Variants in CSMD1 observed in about 807,000 individuals in gnomAD.
The protein encoded by CSMD1 is CUB and Sushi multiple domains 1.
In CSMD1, 213 loss-of-function variants were observed where a neutral mutation model predicts 417.5. That is an observed-to-expected ratio of 0.51 (90% confidence interval 0.46 to 0.57). The LOEUF (loss-of-function observed/expected upper bound fraction) is 0.57. CSMD1 is among the 20% of genes least tolerant of loss of function. CSMD1 has a pLI of 0.00. For synonymous variants in CSMD1, 2,862 were observed against 1,736.8 expected (o/e 1.65, Z -16.11); for missense variants, 6,923 against 4,529.7 (o/e 1.53, Z -15.17).
At chr8:4,367,029 T>G (rs569426056) in intron 3 of CSMD1, among the ~76,000 whole-genome samples, 2 of 152,330 alleles carry the variant, frequency 1.3e-5, no homozygotes, top group South Asian at 4.1e-4. Flanking sequence ...TCTTTTGCTG[T>G]GCAGAAGCTT....
At position 3,800,158 on chromosome 8, in the gene CSMD1, A is replaced by G. The variant is rs73500776; in HGVS notation, c.819-46116T>C. Among the ~76,000 whole-genome samples the G allele has an allele frequency of 8.3e-3, 1,270 of 152,268 alleles. 18 individuals carry two copies. Among genetic ancestry groups the G allele is most frequent in the African/African-American group, 0.028 (1,174 of 41,560 alleles). On this transcript the variant is annotated intron_variant, in intron 5 of 69. Transcript: ENST00000635120. ...GTATGAGTTGTTTCCATGTGGAAAA[A>G]GAACAAAAATCAGTGGCTAGACATG...
At chr8:4,760,739 G>T (rs911438822) in intron 1 of CSMD1, among the ~76,000 whole-genome samples, 1 of 152,136 alleles carries the variant, frequency 6.6e-6, no homozygotes, top group Non-Finnish European at 1.5e-5. Flanking sequence ...GATTAAGTTT[G>T]GGGAAAGTAT....
chr8:3,714,672 G>C (rs1801727430), intron 6 of CSMD1, among the ~76,000 whole-genome samples: 1 of 151,538 alleles, frequency 6.6e-6, no homozygotes, highest in Non-Finnish European at 1.5e-5. Flanking sequence ...CGGAGGCAGA[G>C]TTTGCAGTGA....
At chr8:3,324,592 GT>G (rs1806397596) in intron 23 of CSMD1, among the ~76,000 whole-genome samples, 1 of 144,358 alleles carries the variant, frequency 6.9e-6, no homozygotes, top group Non-Finnish European at 1.5e-5. Flanking sequence ...GGACCCAGGA[GT>G]GGGAGTTTCC....
At position 2,936,942 on chromosome 8, in the gene CSMD1, C is replaced by T. The variant is rs148389144; in HGVS notation, c.*1643G>A. On this transcript the variant is annotated 3_prime_UTR_variant, in exon 70 of 70. Transcript: ENST00000635120. ...AACATTCTGACATTTCTATTACCAA[C>T]GCCAATCTAAAATGTGAAACAGAGA... The T allele has an allele frequency of 6.6e-6, 1 of 152,128 alleles. No homozygotes were observed. Among genetic ancestry groups the T allele is most frequent in the Non-Finnish European group, 1.5e-5 (1 of 68,038 alleles). The allele number at this position is 152,128 out of a possible 1,614,324, so 9.4% of individuals were successfully genotyped here.
At chr8:3,515,678 C>G (rs1344439648) in intron 10 of CSMD1, among the ~76,000 whole-genome samples, 1 of 152,172 alleles carries the variant, frequency 6.6e-6, no homozygotes, top group African/African-American at 2.4e-5. Flanking sequence ...TGGAACAAGT[C>G]AATCATCACA....
At chr8:3,471,751 G>C (rs1261236246) in intron 11 of CSMD1, among the ~76,000 whole-genome samples, 1 of 145,284 alleles carries the variant, frequency 6.9e-6, no homozygotes, top group Non-Finnish European at 1.5e-5. Flanking sequence ...CCTAAGATAA[G>C]TGAATATATA....
At chr8:2,972,105 T>C (rs1726906780) in intron 57 of CSMD1, among the ~76,000 whole-genome samples, 1 of 152,088 alleles carries the variant, frequency 6.6e-6, no homozygotes. Context: ...TTTAGCGTTA[T>C]TTTATATGTG....
rs1290688309 is a variant in CSMD1 at position 3,826,937 on chromosome 8, C to T, written c.819-72895G>A. 2.0e-5 allele frequency among the ~76,000 whole-genome samples: 3 copies of T among 152,006 alleles called. No homozygotes were observed. The East Asian group carries it at 5.8e-4, about 29-fold the overall frequency. Reference sequence around the variant, plus strand: ...GAGTAGCTGAAACTACAGGCATGTGCCTAGCTATTTTTTTAAATATAATTT... The same window carrying T: ...GAGTAGCTGAAACTACAGGCATGTGTCTAGCTATTTTTTTAAATATAATTT... On this transcript the variant is annotated intron_variant, in intron 5 of 69. Coordinates refer to ENST00000635120, the MANE Select transcript of CSMD1 (RefSeq NM_033225.6).
At chr8:3,680,111 T>A (rs1451367865) in intron 7 of CSMD1, among the ~76,000 whole-genome samples, 1 of 151,636 alleles carries the variant, frequency 6.6e-6, no homozygotes, top group Non-Finnish European at 1.5e-5. Flanking sequence ...CACCATAACA[T>A]CACAATTGAA....
chr8:3,470,002 C>G (rs561857369), intron 11 of CSMD1, among the ~76,000 whole-genome samples: 2 of 152,200 alleles, frequency 1.3e-5, no homozygotes, highest in South Asian at 4.1e-4. Context: ...TGAAGTGTAA[C>G]AAGCCAAAAA....
At chr8:3,721,903 A>G (rs1410379606) in intron 6 of CSMD1, among the ~76,000 whole-genome samples, 2 of 152,174 alleles carry the variant, frequency 1.3e-5, no homozygotes, top group East Asian at 3.9e-4. Flanking sequence ...CTGACTGTCC[A>G]CAATGGGAAG....
chr8:3,973,223 A>G (rs570700825), intron 5 of CSMD1, among the ~76,000 whole-genome samples: 1 of 152,342 alleles, frequency 6.6e-6, no homozygotes, highest in South Asian at 2.1e-4. Context: ...TGCCCTACAT[A>G]GAGCTGTTCC....
At chr8:4,473,893 A>T (rs1401475178) in intron 2 of CSMD1, among the ~76,000 whole-genome samples, 1 of 152,186 alleles carries the variant, frequency 6.6e-6, no homozygotes, top group East Asian at 1.9e-4. Context: ...TAGCTTTTCA[A>T]ATCAGTGAAA....
At chr8:4,672,468 G>A (rs1382804391) in intron 1 of CSMD1, among the ~76,000 whole-genome samples, 1 of 152,122 alleles carries the variant, frequency 6.6e-6, no homozygotes, top group African/African-American at 2.4e-5. Flanking sequence ...AGAAAAGAGG[G>A]AGAATAATTC....
At chr8:4,180,807 T>C (rs1359761604) in intron 3 of CSMD1, among the ~76,000 whole-genome samples, 2 of 152,068 alleles carry the variant, frequency 1.3e-5, no homozygotes, top group African/African-American at 2.4e-5. Flanking sequence ...GGTACAAGAG[T>C]TCACAAATCC....
At chr8:4,182,285 G>C (rs527903470) in intron 3 of CSMD1, among the ~76,000 whole-genome samples, 2 of 152,196 alleles carry the variant, frequency 1.3e-5, no homozygotes, top group African/African-American at 4.8e-5. Flanking sequence ...TTGTTTAAAA[G>C]AGGGTAAAGT....
chr8:3,180,797 T>A (rs957770420), intron 37 of CSMD1, among the ~76,000 whole-genome samples: 9 of 151,214 alleles, frequency 6.0e-5, no homozygotes, highest in East Asian at 1.9e-4. Context: ...GCCCAGCTAA[T>A]TTTTTTTTGT....
At chr8:4,946,711 T>A (rs563129381) in intron 1 of CSMD1, among the ~76,000 whole-genome samples, 4 of 152,188 alleles carry the variant, frequency 2.6e-5, no homozygotes, top group Non-Finnish European at 4.4e-5. Context: ...CCCCAAAGGT[T>A]GAATATGTGT....
Sources: gnomAD v4.1 joint callset for allele counts (sites outside exome capture counted in the v4.1 genomes callset) on GRCh38, gnomAD v4.1.1 for gene constraint, MANE v1.5 for transcripts, NCBI Gene and HGNC (gene_info 2026-07-23, HGNC 2026-07-21) for gene names.